Variants in TMCO4 observed in about 807,000 individuals in gnomAD.
The protein encoded by TMCO4 is transmembrane and coiled-coil domain-containing protein 4.
A neutral mutation model predicts 64.7 loss-of-function variants in TMCO4; 58 were observed. That is an observed-to-expected ratio of 0.90 (90% CI 0.73 to 1.12). TMCO4 has a LOEUF of 1.12. Ranked by LOEUF, TMCO4 falls within the 50% of genes most tolerant of loss-of-function variation. The pLI is 0.00. For missense variants in TMCO4, 780 were observed against 825.9 expected (o/e 0.94, Z 0.68); for synonymous variants, 325 against 346.1 (o/e 0.94, Z 0.68).
At chr1:19,684,063 C>CTT (rs3048209) in intron 15 of TMCO4, among the ~76,000 whole-genome samples, 1,080 of 70,282 alleles carry the variant, frequency 0.015, 41 homozygotes, top group African/African-American at 0.056. Context: ...TGCCCGGCAG[C>CTT]TTTTTTTTTT....
chr1:19,771,841 A>G (rs553345851), intron 4 of TMCO4, among the ~76,000 whole-genome samples: 2 of 152,136 alleles, frequency 1.3e-5, no homozygotes, highest in South Asian at 4.1e-4. Context: ...TATTTTTAGT[A>G]GAGACAGGAT....
chr1:19,731,693 C>T (rs142792272), intron 13 of TMCO4, among the ~76,000 whole-genome samples: 18 of 152,286 alleles, frequency 1.2e-4, no homozygotes, highest in African/African-American at 3.1e-4. Flanking sequence ...CAAGTATGTC[C>T]CTATGTCCCT....
chr1:19,784,242 G>C (rs543887843), intron 3 of TMCO4, among the ~76,000 whole-genome samples: 1 of 152,214 alleles, frequency 6.6e-6, no homozygotes, highest in African/African-American at 2.4e-5. Flanking sequence ...AGTACAAAAG[G>C]CTAAGCTCAG....
chr1:19,698,821 G>A (rs2095253046), intron 14 of TMCO4, among the ~76,000 whole-genome samples: 1 of 152,188 alleles, frequency 6.6e-6, no homozygotes, highest in South Asian at 2.1e-4. Context: ...CAGAACAGAT[G>A]GGTTTAATAA....
At chr1:19,733,458 A>G (rs1168932963) in intron 13 of TMCO4, among the ~76,000 whole-genome samples, 1 of 152,086 alleles carries the variant, frequency 6.6e-6, no homozygotes. Context: ...TCATGTGTCC[A>G]TCAAGCACCT....
At chr1:19,733,211 G>A (rs2095437673) in intron 13 of TMCO4, among the ~76,000 whole-genome samples, 1 of 152,110 alleles carries the variant, frequency 6.6e-6, no homozygotes, top group South Asian at 2.1e-4. Context: ...AAGTTGCAGT[G>A]AGCTGAGATG....
intron 13 of TMCO4, among the ~76,000 whole-genome samples, chr1:19,729,937 A>G (rs1180334818): frequency 5.3e-5 from 8 of 152,224 alleles, no homozygotes; most frequent in Non-Finnish European, 1.0e-4. Context: ...ATATTTGCCT[A>G]CTATGTACCC....
chr1:19,719,896 G>C (rs2095373647), intron 13 of TMCO4, among the ~76,000 whole-genome samples: 1 of 152,100 alleles, frequency 6.6e-6, no homozygotes, highest in Non-Finnish European at 1.5e-5. Context: ...GGGAGGCTGA[G>C]GCAGTAGAAT....
intron 6 of TMCO4, among the ~76,000 whole-genome samples, chr1:19,763,174 CA>C (rs1462344272): frequency 1.3e-5 from 2 of 151,848 alleles, no homozygotes; most frequent in Non-Finnish European, 2.9e-5. Context: ...CTCCAGGGTT[CA>C]AGCGATTCTT....
chr1:19,692,062 G>T (rs557645859), intron 15 of TMCO4, among the ~76,000 whole-genome samples: 2 of 152,274 alleles, frequency 1.3e-5, no homozygotes, highest in Admixed American at 6.5e-5. Flanking sequence ...AAATTACCCA[G>T]TCTTGGTATG....
chr1:19,689,756 T>A (rs1407794560), intron 15 of TMCO4, among the ~76,000 whole-genome samples: 2 of 152,206 alleles, frequency 1.3e-5, no homozygotes, highest in African/African-American at 4.8e-5. Context: ...ACTCCTGGGG[T>A]GCTGAGGCAC....
At position 19,747,267 on chromosome 1, in the gene TMCO4, G is replaced by A; in HGVS notation, c.516-7C>T. 1.2e-6 allele frequency: 2 copies of A among 1,612,316 alleles called. No homozygotes were observed. Among genetic ancestry groups the A allele is most frequent in the South Asian group, 1.1e-5 (1 of 91,072 alleles). ...TCGGGATGCCTCGGCCATTCTGAGG[G>A]AAAAGAGGCTGGTCTTTAGGGCCAG... is the stretch of plus-strand genomic sequence containing the variant. On this transcript the variant is annotated splice_polypyrimidine_tract_variant and splice_region_variant and intron_variant, in intron 7 of 15. Coordinates refer to ENST00000294543, the MANE Select transcript of TMCO4 (RefSeq NM_181719.7).
In TMCO4 at chr1:19,734,314, G is replaced by T. The variant is rs928543084; in HGVS notation, c.1264+3058C>A. ...TCTAGAGAACAGCAGGGGCATTAGAGGCCCTTGGGGTCTGCCGAGTTGCTG... is the reference window on the plus strand; with the variant it reads ...TCTAGAGAACAGCAGGGGCATTAGATGCCCTTGGGGTCTGCCGAGTTGCTG... On this transcript the variant is annotated intron_variant, in intron 13 of 15. Transcript: ENST00000294543. The surrounding 1 kb of genome is among the most constrained non-coding windows in gnomAD (Gnocchi z 4.4). Among the ~76,000 whole-genome samples the T allele has an allele frequency of 8.5e-5, 13 of 152,146 alleles. No homozygotes were observed. The highest frequency in any genetic ancestry group is 1.8e-4 in the Non-Finnish European group (12 of 68,028).
chr1:19,793,547 T>A (rs2044155994), intron 2 of TMCO4, among the ~76,000 whole-genome samples: 1 of 152,194 alleles, frequency 6.6e-6, no homozygotes, highest in South Asian at 2.1e-4. Flanking sequence ...TACATCTCTA[T>A]CTGAAGTCAT....
chr1:19,716,381 C>CTTTTTTTTTTTTTTTTTTTTTTTTTGT (rs1262772167), intron 13 of TMCO4, among the ~76,000 whole-genome samples: 1 of 124,474 alleles, frequency 8.0e-6, no homozygotes, highest in African/African-American at 3.1e-5. Flanking sequence ...TTTTTTCTTT[C>CTTTTTTTTTTTTTTTTTTTTTTTTTGT]TTTTTTTTTT....
At chr1:19,777,026 CAAAAAAAAAA>C (rs59722797) in intron 4 of TMCO4, among the ~76,000 whole-genome samples, 1 of 82,782 alleles carries the variant, frequency 1.2e-5, no homozygotes, top group Non-Finnish European at 2.3e-5. Flanking sequence ...GACACTGTCT[CAAAAAAAAAA>C]AAAAAAAAAA....
intron 2 of TMCO4, among the ~76,000 whole-genome samples, chr1:19,790,549 GA>G (rs1009030502): frequency 7.3e-5 from 11 of 150,654 alleles, no homozygotes; most frequent in African/African-American, 1.9e-4. Flanking sequence ...AGAAACATAT[GA>G]AAAAAAAAGC....
intron 6 of TMCO4, among the ~76,000 whole-genome samples, chr1:19,763,747 C>T (rs952630937): frequency 2.0e-5 from 3 of 152,176 alleles, no homozygotes; most frequent in African/African-American, 7.2e-5. Context: ...TATTACGTAG[C>T]CCCATTTTTA....
chr1:19,697,283 G>C (rs2095243094), intron 14 of TMCO4, among the ~76,000 whole-genome samples: 2 of 152,106 alleles, frequency 1.3e-5, no homozygotes, highest in South Asian at 4.1e-4. Context: ...TTTGAGACAG[G>C]GTCTTGCTCT....
Sources: allele counts gnomAD v4.1 joint callset (sites outside exome capture counted in the v4.1 genomes callset), GRCh38; gene constraint gnomAD v4.1.1; non-coding constraint Gnocchi (gnomAD v3.1); transcripts MANE v1.5; gene names NCBI Gene and HGNC (gene_info 2026-07-23, HGNC 2026-07-21).